AFF4: variants seen among roughly 807,000 people sequenced by gnomAD.
The protein encoded by AFF4 is AF4/FMR2 family member 4.
In AFF4, 13 loss-of-function variants were observed where a neutral mutation model predicts 124.8. That is an observed-to-expected ratio of 0.10 (90% CI 0.07 to 0.17). AFF4 has a LOEUF of 0.17. Ranked by LOEUF, AFF4 falls within the 10% of genes least tolerant of loss-of-function variation. The pLI, the probability that AFF4 is intolerant of heterozygous loss-of-function variation, is 1.00. For synonymous variants in AFF4, 477 were observed against 496.1 expected (o/e 0.96, Z 0.51); for missense variants, 1,092 against 1,403.8 (o/e 0.78, Z 3.55).
intron 5 of AFF4, among the ~76,000 whole-genome samples, chr5:132,921,469 T>C (rs539135692): frequency 8.9e-5 from 11 of 124,034 alleles, no homozygotes; most frequent in Non-Finnish European, 8.5e-5. Context: ...TTTCTTTTTT[T>C]TTTCTTTTTT....
At chr5:132,915,109 C>G (rs1433759501) in intron 5 of AFF4, among the ~76,000 whole-genome samples, 1 of 152,108 alleles carries the variant, frequency 6.6e-6, no homozygotes, top group Non-Finnish European at 1.5e-5. Flanking sequence ...GAGGCCGAGG[C>G]AGGCGGATCA....
intron 1 of AFF4, among the ~76,000 whole-genome samples, chr5:132,962,750 C>G (rs1362072405): frequency 6.6e-6 from 1 of 151,386 alleles, no homozygotes; most frequent in Non-Finnish European, 1.5e-5. Context: ...TATACCCCCA[C>G]GTTCCCATTT....
intron 9 of AFF4, 53 bp from the exon 10 acceptor site, chr5:132,898,445 G>C: frequency 2.0e-6 from 3 of 1,526,514 alleles, no homozygotes; most frequent in Non-Finnish European, 2.6e-6. Flanking sequence ...ATTGACAACA[G>C]GAAAACATCC....
chr5:132,878,455 C>G lies in AFF4; in HGVS notation c.*2604G>C, dbSNP rs1759891903. On this transcript the variant is annotated 3_prime_UTR_variant, in exon 21 of 21. Transcript: ENST00000265343. The stretch of plus-strand genomic sequence containing the variant: ...AATTCAGTTTTAAATGCTTAGAAAA[C>G]ACTGAGGACACCTATTGAGGAGGGA... 4.3e-6 allele frequency: 1 copy of G among 231,972 alleles called. No individual in the cohort carries two copies. The highest frequency in any genetic ancestry group is 5.6e-5 in the Admixed American group (1 of 17,732). 14.4% of individuals were successfully genotyped at this position (231,972 alleles called of 1,614,324 possible).
intron 1 of AFF4, among the ~76,000 whole-genome samples, chr5:132,951,397 G>A (rs576388787): frequency 6.6e-6 from 1 of 152,258 alleles, no homozygotes; most frequent in Admixed American, 6.5e-5. Context: ...ACCACCTTAG[G>A]AAATAAAAGC....
intron 1 of AFF4, among the ~76,000 whole-genome samples, chr5:132,945,923 G>A (rs1761687712): frequency 6.6e-6 from 1 of 152,084 alleles, no homozygotes; most frequent in Admixed American, 6.6e-5. Flanking sequence ...AGCCAGGCGT[G>A]GTGGCGCAAG....
intron 13 of AFF4, among the ~76,000 whole-genome samples, chr5:132,891,039 A>T (rs1372029274): frequency 6.6e-6 from 1 of 151,600 alleles, no homozygotes; most frequent in Non-Finnish European, 1.5e-5. Flanking sequence ...ATTAAATAAT[A>T]ATTTAAAAAA....
chr5:132,949,400 G>C lies in AFF4; in HGVS notation c.-4-12207C>G, dbSNP rs1481167886. Reference sequence around the variant, plus strand: ...TTCTGCTTTAAGAAACAATGGGCCAGGCCCAGTGGCTCATACCTGCAATCC... The same window carrying C: ...TTCTGCTTTAAGAAACAATGGGCCACGCCCAGTGGCTCATACCTGCAATCC... On this transcript the variant is annotated intron_variant, in intron 1 of 20. Coordinates refer to ENST00000265343, the MANE Select transcript of AFF4 (RefSeq NM_014423.4). 2.0e-5 allele frequency among the ~76,000 whole-genome samples: 3 copies of C among 152,070 alleles called. No homozygotes were observed. The East Asian group carries it at 5.8e-4, about 29-fold the overall frequency.
chr5:132,887,691 A>G lies in AFF4; in HGVS notation c.2934-99T>C, dbSNP rs1760149704. ...AAACATTAGAATTTCAAACCTAAATAAAAGCAAAAATACTCATTGAAGTAT... is the reference window on the plus strand; with the variant it reads ...AAACATTAGAATTTCAAACCTAAATGAAAGCAAAAATACTCATTGAAGTAT... On this transcript the variant is annotated intron_variant, in intron 16 of 20. Transcript: ENST00000265343. 6.6e-6 allele frequency: 10 copies of G among 1,514,414 alleles called. No homozygotes were observed. The South Asian group carries it at 1.2e-4, about 18-fold the overall frequency. 93.8% of individuals were successfully genotyped at this position (1,514,414 alleles called of 1,614,324 possible).
intron 5 of AFF4, among the ~76,000 whole-genome samples, chr5:132,920,320 G>A (rs1428553756): frequency 6.6e-6 from 1 of 151,220 alleles, no homozygotes; most frequent in African/African-American, 2.4e-5. Flanking sequence ...AAAGTGCTGG[G>A]ATTACAGGTG....
At chr5:132,884,289 G>A (rs1760059268) in intron 19 of AFF4, among the ~76,000 whole-genome samples, 2 of 152,324 alleles carry the variant, frequency 1.3e-5, no homozygotes, top group South Asian at 2.1e-4. Context: ...CCAAGCTGGA[G>A]TGCAGTGGCA....
intron 6 of AFF4, 141 bp from the exon 7 acceptor site, chr5:132,902,628 C>A: frequency 1.5e-6 from 1 of 672,402 alleles, no homozygotes; most frequent in South Asian, 1.8e-5. Flanking sequence ...ACCTTCAAGC[C>A]CAATAATATG....
chr5:132,886,911 C>T (rs1172704450), intron 17 of AFF4, among the ~76,000 whole-genome samples: 1 of 152,064 alleles, frequency 6.6e-6, no homozygotes, highest in African/African-American at 2.4e-5. Flanking sequence ...CATGTTGTTC[C>T]CTCTAAATAG....
chr5:132,905,048 C>CAGA (rs1760640100), intron 5 of AFF4, among the ~76,000 whole-genome samples: 1 of 118,368 alleles, frequency 8.4e-6, no homozygotes, highest in African/African-American at 3.3e-5. Flanking sequence ...GACTCCATCT[C>CAGA]AAAAAAAAAA....
intron 4 of AFF4, among the ~76,000 whole-genome samples, chr5:132,930,141 C>G (rs935409883): frequency 6.6e-6 from 1 of 151,972 alleles, no homozygotes; most frequent in African/African-American, 2.4e-5. Context: ...GAAATAAATC[C>G]AAATGGAAAC....
In AFF4 at chr5:132,897,118, C is replaced by A. The variant is rs1400692927; in HGVS notation, c.1512G>T (p.Lys504Asn). ...SNIPSSQGYK[K>N]EGREQGTGNS... ...TCCCAGTGCCCTGCTCTCGGCCTTC[C>A]TTTTTGTAGCCTTGAGATGATGGGA... The change falls in exon 11 of 21, where the codon AAG becomes AAT. Residue 504 changes from lysine (K) to asparagine (N), a missense_variant. Physicochemically the swap from Lys to Asn is moderately conservative, Grantham distance 94. Around this residue, in one of 11 missense-constraint regions of AFF4, gnomAD observed 174 missense variants for 205.9 expected, o/e 0.84. Transcript: ENST00000265343. 5 of 1,614,182 alleles carry A rather than the reference C, an allele frequency of 3.1e-6. No homozygotes were observed. The highest frequency in any genetic ancestry group is 4.2e-6 in the Non-Finnish European group (5 of 1,180,046).
At chr5:132,904,877 C>T (rs913236284) in intron 5 of AFF4, among the ~76,000 whole-genome samples, 2 of 151,906 alleles carry the variant, frequency 1.3e-5, no homozygotes, top group Non-Finnish European at 2.9e-5. Context: ...GGTGAAACCC[C>T]GTCTCTACGA....
rs749388193 is a variant in AFF4, at chr5:132,904,420, A to G, written c.1051-16T>C. On this transcript the variant is annotated splice_polypyrimidine_tract_variant and intron_variant, in intron 5 of 20. Transcript: ENST00000265343. The stretch of plus-strand genomic sequence containing the variant: ...GCTGAGACTCCTAAGAAAAAGGAAC[A>G]TAAAATTATACAAAGTTACACTAAA... 8 of 1,600,728 alleles carry G rather than the reference A, an allele frequency of 5.0e-6. No homozygotes were observed. The South Asian group carries it at 9.0e-5, about 18-fold the overall frequency.
rs943343881 is a variant in AFF4 at position 132,934,477 on chromosome 5, C to T, written c.588G>A (p.Arg196=). Residue 196 remains arginine (R), a synonymous_variant, in exon 3 of 21, where the codon AGG becomes AGA. Transcript: ENST00000265343. ...AVSSLNSSHS[R]SHGNDHHSKE... ...TGCTATGGTGATCATTCCCATGAGA[C>T]CTGGAATGACTAGAGTTTAATGAAG... 1 of 1,613,994 alleles carries T rather than the reference C, an allele frequency of 6.2e-7. No homozygotes were observed. Among genetic ancestry groups the T allele is most frequent in the African/African-American group, 1.3e-5 (1 of 74,908 alleles).
Sources: allele counts gnomAD v4.1 joint callset (sites outside exome capture counted in the v4.1 genomes callset), GRCh38; gene constraint gnomAD v4.1.1; regional missense constraint gnomAD v4.1.1; transcripts MANE v1.5; gene names NCBI Gene and HGNC (gene_info 2026-07-23, HGNC 2026-07-21).